Variants in GSE1 observed in about 807,000 individuals in gnomAD.
The protein encoded by GSE1 is genetic suppressor element 1.
A neutral mutation model predicts 112.6 loss-of-function variants in GSE1; 32 were observed. That is an observed-to-expected ratio of 0.28 (90% CI 0.21 to 0.38). The LOEUF is 0.38. Ranked by LOEUF, GSE1 falls within the 10% of genes least tolerant of loss-of-function variation. The pLI is 1.00. For synonymous variants in GSE1, 1,115 were observed against 735.6 expected, an observed-to-expected ratio of 1.52 and a Z score of -8.35; for missense variants, 2,348 against 1,699.2, an observed-to-expected ratio of 1.38 and a Z score of -6.71.
chr16:85,575,332 A>C (rs576138823), intron 1 of GSE1, among the ~76,000 whole-genome samples: 1 of 152,166 alleles, frequency 6.6e-6, no homozygotes, highest in Non-Finnish European at 1.5e-5. Flanking sequence ...TTCTGGCGGA[A>C]TCTAGGAGAT....
At chr16:85,651,766 A>C (rs2051377378) in intron 3 of GSE1, among the ~76,000 whole-genome samples, 1 of 151,938 alleles carries the variant, frequency 6.6e-6, no homozygotes, top group Admixed American at 6.5e-5. Flanking sequence ...AGGCCTCCCC[A>C]CCAGCCTGGG....
At chr16:85,637,786 C>T (rs557263821) in intron 2 of GSE1, among the ~76,000 whole-genome samples, 3 of 151,332 alleles carry the variant, frequency 2.0e-5, no homozygotes, top group South Asian at 2.1e-4. Flanking sequence ...CCACACCTGC[C>T]GGGGAGTGGG....
At chr16:85,656,766 C>T in intron 7 of GSE1, 101 bp downstream of exon 7, 2 of 1,413,152 alleles carry the variant, frequency 1.4e-6, no homozygotes, top group Admixed American at 2.8e-5. Context: ...GTAAATGTTC[C>T]CCAGCTGAGT....
At chr16:85,622,071 CA>C (rs1447378284) in intron 1 of GSE1, among the ~76,000 whole-genome samples, 1 of 152,212 alleles carries the variant, frequency 6.6e-6, no homozygotes, top group Non-Finnish European at 1.5e-5. Flanking sequence ...TTGAGAATTA[CA>C]GAATCATTTA....
intron 6 of GSE1, 41 bp from the exon 7 acceptor site, chr16:85,656,302 C>T: frequency 3.1e-6 from 5 of 1,602,292 alleles, no homozygotes; most frequent in Non-Finnish European, 4.3e-6. Flanking sequence ...GTCTCTTGTT[C>T]CTGGTGCAGC....
chr16:85,554,801 G>A (rs1279024844), upstream of GSE1: 3 of 795,850 alleles, frequency 3.8e-6, no homozygotes, highest in South Asian at 6.0e-5. Context: ...GAGGACGGAC[G>A]GGCGGGCGGG....
intron 2 of GSE1, among the ~76,000 whole-genome samples, chr16:85,438,915 T>TC (rs913969110): frequency 1.2e-4 from 19 of 152,014 alleles, no homozygotes; most frequent in African/African-American, 4.4e-4. Context: ...AGGGTAGGGA[T>TC]CCCCCCGCGG....
intron 1 of GSE1, among the ~76,000 whole-genome samples, chr16:85,207,151 A>T (rs1353524909): frequency 6.6e-6 from 1 of 151,492 alleles, no homozygotes; most frequent in African/African-American, 2.4e-5. Flanking sequence ...TAGCATCTCC[A>T]CCTTCAGGGA....
At chr16:85,301,183 T>C (rs759920468) in intron 1 of GSE1, among the ~76,000 whole-genome samples, 1 of 152,220 alleles carries the variant, frequency 6.6e-6, no homozygotes, top group Non-Finnish European at 1.5e-5. Flanking sequence ...CCAAGCCCAC[T>C]GCAGGCATGT....
chr16:85,455,381 A>AAGAGAGAGAG (rs147528394), intron 2 of GSE1, among the ~76,000 whole-genome samples: 1 of 149,654 alleles, frequency 6.7e-6, no homozygotes, highest in African/African-American at 2.5e-5. Context: ...GGCATTACAA[A>AAGAGAGAGAG]AGAGAGAGAG....
intron 1 of GSE1, among the ~76,000 whole-genome samples, chr16:85,217,871 C>T (rs2075330226): frequency 6.6e-6 from 1 of 152,082 alleles, no homozygotes; most frequent in African/African-American, 2.4e-5. Context: ...GTCCTTCCAG[C>T]CTCTTCTTTT....
intron 2 of GSE1, among the ~76,000 whole-genome samples, chr16:85,513,471 C>G (rs2051814315): frequency 1.3e-5 from 2 of 152,244 alleles, no homozygotes; most frequent in South Asian, 4.1e-4. Flanking sequence ...CTGTGGGGGG[C>G]TCCTGCAGGC....
chr16:85,420,237 G>GT (rs994487881), intron 2 of GSE1, among the ~76,000 whole-genome samples: 3 of 152,254 alleles, frequency 2.0e-5, no homozygotes, highest in Middle Eastern at 3.4e-3. Flanking sequence ...TGTGCTTTTT[G>GT]TTTTTTGAGA....
chr16:85,509,981 G>A (rs891510617), intron 2 of GSE1, among the ~76,000 whole-genome samples: 2 of 152,212 alleles, frequency 1.3e-5, no homozygotes, highest in African/African-American at 4.8e-5. Context: ...CGGATTTGGT[G>A]ACGTATGGCT....
intron 1 of GSE1, among the ~76,000 whole-genome samples, chr16:85,201,137 A>G (rs2075020850): frequency 6.6e-6 from 1 of 152,118 alleles, no homozygotes; most frequent in Admixed American, 6.5e-5. Flanking sequence ...CAGTGGTGCA[A>G]TCATAGCTCA....
upstream of GSE1, chr16:85,611,452 G>C (rs565657609): frequency 7.1e-6 from 7 of 985,176 alleles, no homozygotes; most frequent in South Asian, 2.3e-4. Flanking sequence ...AGGCCGCAAG[G>C]GGGGCGCCGC....
intron 2 of GSE1, among the ~76,000 whole-genome samples, chr16:85,470,024 A>G (rs770322633): frequency 3.9e-5 from 6 of 152,130 alleles, no homozygotes; most frequent in African/African-American, 7.2e-5. Flanking sequence ...AGGCATCTCA[A>G]TGCCACCCCC....
intron 1 of GSE1, 59 bp downstream of exon 1, chr16:85,613,457 C>T (rs1011782550): frequency 2.4e-5 from 34 of 1,443,654 alleles, no homozygotes; most frequent in Non-Finnish European, 3.0e-5. Flanking sequence ...ACCGCACTGT[C>T]CTCCTGCAAG....
intron 1 of GSE1, among the ~76,000 whole-genome samples, chr16:85,172,541 T>C (rs2074378642): frequency 6.6e-6 from 1 of 152,170 alleles, no homozygotes; most frequent in Non-Finnish European, 1.5e-5. Context: ...CTCAGTTAAT[T>C]TGGGATCCGG....
Sources: gnomAD v4.1 joint callset for allele counts (sites outside exome capture counted in the v4.1 genomes callset) on GRCh38, gnomAD v4.1.1 for gene constraint, MANE v1.5 for transcripts, NCBI Gene and HGNC (gene_info 2026-07-23, HGNC 2026-07-21) for gene names.